MED12L: variants seen among roughly 807,000 people sequenced by gnomAD.
MED12L encodes the protein mediator of RNA polymerase II transcription subunit 12-like protein.
MED12L carries 60 observed loss-of-function variants against 281.3 expected under a neutral mutation model. The ratio of observed to expected loss-of-function variants is 0.21; its 90% confidence interval spans 0.17 to 0.26. The LOEUF (loss-of-function observed/expected upper bound fraction) is 0.26. Among genes scored for constraint, MED12L ranks in the 10% least tolerant of loss-of-function variants. MED12L has a pLI of 1.00. For synonymous variants in MED12L, 974 were observed against 987.2 expected, an observed-to-expected ratio of 0.99 and a Z score of 0.25; for missense variants, 2,146 against 2,680.9, an observed-to-expected ratio of 0.80 and a Z score of 4.41.
chr3:151,124,447 A>G (rs2567325), intron 4 of MED12L, among the ~76,000 whole-genome samples: 128,774 of 152,198 alleles, frequency 0.85, 54,661 homozygotes, highest in African/African-American at 0.92. Context: ...TCATTTCTTG[A>G]GCATTTCAAG....
intron 16 of MED12L, among the ~76,000 whole-genome samples, chr3:151,232,622 G>A (rs1731914624): frequency 6.6e-6 from 1 of 152,150 alleles, no homozygotes; most frequent in Admixed American, 6.5e-5. Flanking sequence ...AAAAGAATGA[G>A]ATCATGTCTT....
intron 4 of MED12L, among the ~76,000 whole-genome samples, chr3:151,127,158 C>T (rs900202566): frequency 1.3e-5 from 2 of 152,158 alleles, no homozygotes; most frequent in East Asian, 3.8e-4. Flanking sequence ...CATTGGGATA[C>T]TAATTTGCTA....
intron 32 of MED12L, among the ~76,000 whole-genome samples, chr3:151,381,547 C>T (rs1271480336): frequency 4.7e-4 from 71 of 152,130 alleles, no homozygotes; most frequent in Non-Finnish European, 7.3e-5. Flanking sequence ...TCTTTTCTTC[C>T]CTTTAGGTGG....
At chr3:151,161,442 C>G (rs1253204062) in intron 8 of MED12L, among the ~76,000 whole-genome samples, 1 of 152,094 alleles carries the variant, frequency 6.6e-6, no homozygotes, top group Non-Finnish European at 1.5e-5. Flanking sequence ...ATCCGTGAAC[C>G]TGAAGGACAG....
chr3:151,190,494 T>C (rs1217397911), intron 13 of MED12L, among the ~76,000 whole-genome samples: 1 of 152,166 alleles, frequency 6.6e-6, no homozygotes, highest in Non-Finnish European at 1.5e-5. Flanking sequence ...TTTAAACTTG[T>C]AATCATGTTT....
chr3:151,388,080 G>C lies in MED12L; in HGVS notation c.5359G>C (p.Ala1787Pro). 1 of 1,613,892 alleles carries C rather than the reference G, an allele frequency of 6.2e-7. No individual in the cohort carries two copies. Among genetic ancestry groups the C allele is most frequent in the Non-Finnish European group, 8.5e-7 (1 of 1,179,968 alleles). Reference sequence around the variant, plus strand: ...TTCTCAGGAACCAGAAAGGAAGTCCGCTGAGCTGTCAGATCAGGGAAAAAC... The same window carrying C: ...TTCTCAGGAACCAGAAAGGAAGTCCCCTGAGCTGTCAGATCAGGGAAAAAC... Reference protein sequence around the residue: ...PVSQEPERKSAELSDQGKTTT... With the variant: ...PVSQEPERKSPELSDQGKTTT... Residue 1787 changes from alanine to proline, a missense_variant, in exon 37 of 45, where the codon GCT becomes CCT. Physicochemically the swap from Ala to Pro is conservative, Grantham distance 27 (BLOSUM62 -1). Transcript: ENST00000687756.
chr3:151,214,156 T>C, intron 16 of MED12L: 5 of 1,614,158 alleles, frequency 3.1e-6, no homozygotes, highest in Non-Finnish European at 4.2e-6. Flanking sequence ...GATGAAACTC[T>C]TAGAGCTGGG....
Position 151,085,938 on chromosome 3 carries a change from TAA to T in MED12L, c.-130+4_-130+5del, listed in dbSNP as rs1402179390. On this transcript the variant is annotated splice_donor_region_variant and intron_variant, in intron 1 of 44. Transcript: ENST00000687756. ...AGCCCGCTAGCCGCGGACCAACAGG[TAA>T]AGTGTTGGGGGTTGGGGGCGGAAGG... 1 of 151,178 alleles carries T rather than the reference TAA, an allele frequency of 6.6e-6. No homozygotes were observed. The highest frequency in any genetic ancestry group is 1.5e-5 in the Non-Finnish European group (1 of 67,718). 9.4% of individuals were successfully genotyped at this position (151,178 alleles called of 1,614,324 possible). A position where few individuals can be genotyped will look rare whatever the true frequency, so the allele number is the denominator to read the frequency against.
chr3:151,330,420 A>G (rs1750219468), intron 16 of MED12L, among the ~76,000 whole-genome samples: 2 of 151,870 alleles, frequency 1.3e-5, no homozygotes, highest in South Asian at 4.2e-4. Flanking sequence ...ATATCTGTGC[A>G]TTTTTTTTGC....
chr3:151,258,749 G>A (rs558297821), intron 16 of MED12L, among the ~76,000 whole-genome samples: 2 of 151,880 alleles, frequency 1.3e-5, no homozygotes, highest in East Asian at 3.9e-4. Flanking sequence ...CTGCTTGGGA[G>A]GCTGAGGCAG....
chr3:151,235,022 TG>T (rs1238476863), intron 16 of MED12L, among the ~76,000 whole-genome samples: 11 of 152,350 alleles, frequency 7.2e-5, no homozygotes, highest in African/African-American at 2.6e-4. Context: ...CGTGTTTTTT[TG>T]TATGCGGTGG....
chr3:151,278,737 A>G lies in MED12L; in HGVS notation c.2251-71322A>G, dbSNP rs578109191. On this transcript the variant is annotated intron_variant, in intron 16 of 44. Transcript: ENST00000687756. Reference sequence around the variant, plus strand: ...ATGTGTAAGATATGGTTCTTTCTGAAGCACCCTCAGAAAATTGTCAGCAGC... The same window carrying G: ...ATGTGTAAGATATGGTTCTTTCTGAGGCACCCTCAGAAAATTGTCAGCAGC... Among the ~76,000 whole-genome samples the G allele has an allele frequency of 2.3e-4, 35 of 152,304 alleles. 1 individual carries two copies. In the South Asian group the frequency reaches 5.0e-3, roughly 22 times the overall value.
chr3:151,397,027 G>A (rs775873231), intron 39 of MED12L, among the ~76,000 whole-genome samples: 12 of 151,798 alleles, frequency 7.9e-5, no homozygotes, highest in South Asian at 2.1e-4. Context: ...TTGTACCACC[G>A]ACAGTTGTAC....
intron 2 of MED12L, among the ~76,000 whole-genome samples, chr3:151,089,510 A>G (rs548846757): frequency 6.6e-6 from 1 of 152,036 alleles, no homozygotes; most frequent in African/African-American, 2.4e-5. Flanking sequence ...AAAAAATTTC[A>G]AACCAACATT....
intron 38 of MED12L, 44 bp from the exon 39 acceptor site, chr3:151,394,612 C>G (rs1371091203): frequency 4.4e-6 from 7 of 1,608,416 alleles, no homozygotes; most frequent in Admixed American, 1.7e-5. Context: ...AGACCTGTTG[C>G]ATTAACGTAG....
chr3:151,365,523 A>G (rs1755167060), intron 22 of MED12L, among the ~76,000 whole-genome samples: 1 of 152,212 alleles, frequency 6.6e-6, no homozygotes, highest in South Asian at 2.1e-4. Flanking sequence ...ATTTGGGTCC[A>G]CCTAAATTAC....
At chr3:151,374,856 C>G (rs9865547) in intron 27 of MED12L, among the ~76,000 whole-genome samples, 27,506 of 152,022 alleles carry the variant, frequency 0.18, 3,251 homozygotes, top group African/African-American at 0.33. Context: ...CCTCCCATAT[C>G]CCTCTTACCA....
At chr3:151,310,663 C>G (rs1268636281) in intron 16 of MED12L, among the ~76,000 whole-genome samples, 1 of 152,180 alleles carries the variant, frequency 6.6e-6, no homozygotes, top group Non-Finnish European at 1.5e-5. Context: ...GAACTAATTT[C>G]TCATATGGTT....
At chr3:151,329,268 T>A (rs1306099402) in intron 16 of MED12L, among the ~76,000 whole-genome samples, 1 of 152,186 alleles carries the variant, frequency 6.6e-6, no homozygotes, top group Non-Finnish European at 1.5e-5. Context: ...TCTGCCTCAT[T>A]CACAGGTGCT....
Sources: allele counts gnomAD v4.1 joint callset (sites outside exome capture counted in the v4.1 genomes callset), GRCh38; gene constraint gnomAD v4.1.1; transcripts MANE v1.5; gene names NCBI Gene and HGNC (gene_info 2026-07-23, HGNC 2026-07-21).